PHACTR4: variants seen among roughly 807,000 people sequenced by gnomAD.
The protein encoded by PHACTR4 is phosphatase and actin regulator 4, also known as protein phosphatase 1, regulatory subunit 124.
PHACTR4 carries 51 observed loss-of-function variants against 72.7 expected under a neutral mutation model. That is an observed-to-expected ratio of 0.70 (90% CI 0.56 to 0.89). PHACTR4 has a LOEUF of 0.89. Ranked by LOEUF, PHACTR4 falls within the 40% of genes least tolerant of loss-of-function variation. PHACTR4 has a pLI of 0.00. For synonymous variants in PHACTR4, 255 were observed against 302.5 expected, an observed-to-expected ratio of 0.84 and a Z score of 1.63; for missense variants, 731 against 861.8, an observed-to-expected ratio of 0.85 and a Z score of 1.90.
chr1:28,476,274 A>G lies in PHACTR4; in HGVS notation c.1589A>G (p.Glu530Gly). Residue 530 changes from glutamate to glycine, a missense_variant, in exon 8 of 14, where the codon GAA (glutamate) becomes GGA (glycine). Physicochemically the swap from Glu to Gly is moderately conservative, Grantham distance 98 (BLOSUM62 -2). Coordinates refer to ENST00000373839, the MANE Select transcript of PHACTR4 (RefSeq NM_001048183.3). ...GPIQYRDEED[E>G]DESYQSALAN... ...ATTCAGTACCGAGATGAAGAAGATG[A>G]AGATGAAAGCTATCAGAGTAAGAAA... 1 of 1,600,292 alleles carries G rather than the reference A, an allele frequency of 6.2e-7. No homozygotes were observed. The highest frequency in any genetic ancestry group is 8.5e-7 in the Non-Finnish European group (1 of 1,176,208).
At chr1:28,444,217 T>C (rs1657264226) in intron 2 of PHACTR4, among the ~76,000 whole-genome samples, 1 of 82,150 alleles carries the variant, frequency 1.2e-5, no homozygotes, top group Non-Finnish European at 2.6e-5. Context: ...TATTTGGCTT[T>C]TTTTTTTTTT....
chr1:28,483,347 G>A (rs1172438561), intron 9 of PHACTR4, among the ~76,000 whole-genome samples: 2 of 151,880 alleles, frequency 1.3e-5, no homozygotes, highest in Non-Finnish European at 2.9e-5. Context: ...GGCCCAGGAG[G>A]TCAAGACCCA....
Position 28,496,578 on chromosome 1 carries a change from G to C in PHACTR4, c.*29G>C, listed in dbSNP as rs1280619145. 6.2e-7 allele frequency: 1 copy of C among 1,613,024 alleles called. No individual in the cohort carries two copies. The highest frequency in any genetic ancestry group is 1.7e-5 in the Admixed American group (1 of 59,998). On this transcript the variant is annotated 3_prime_UTR_variant, in exon 14 of 14. Transcript: ENST00000373839. The stretch of plus-strand genomic sequence containing the variant: ...CAAAGGTTGAGAGAGGAATCAACAT[G>C]GCTGCTTTGCTGCTTCCTTCTCCAA...
intron 7 of PHACTR4, 138 bp downstream of exon 7, chr1:28,474,289 G>A (rs1659775976): frequency 2.6e-6 from 2 of 776,932 alleles, no homozygotes; most frequent in Admixed American, 2.6e-5. Context: ...GGAAGCTGAG[G>A]CAAATGGACC....
In PHACTR4 at chr1:28,459,092, A is replaced by C. The variant is rs1456917870; in HGVS notation, c.24A>C (p.Ala8=). MEDPFEE[A]DQPTTEPGMV... Reference sequence around the variant, plus strand: ...CTTCTTTTCATGTAACAGAGGAAGCAGACCAGCCCACTACAGAGCCAGGCA... The same window carrying C: ...CTTCTTTTCATGTAACAGAGGAAGCCGACCAGCCCACTACAGAGCCAGGCA... The change falls in exon 3 of 14, where the codon GCA becomes GCC. Residue 8 remains alanine, a synonymous_variant. Coordinates refer to ENST00000373839, the MANE Select transcript of PHACTR4 (RefSeq NM_001048183.3). 2 of 1,596,226 alleles carry C rather than the reference A, an allele frequency of 1.3e-6. No individual in the cohort carries two copies. The highest frequency in any genetic ancestry group is 2.7e-5 in the African/African-American group (2 of 74,060).
chr1:28,450,700 A>G (rs77594490), intron 2 of PHACTR4, among the ~76,000 whole-genome samples: 15,794 of 151,674 alleles, frequency 0.1, 1,897 homozygotes, highest in African/African-American at 0.3. Context: ...GCTCACTGCA[A>G]CCTCAACCAC....
intron 2 of PHACTR4, among the ~76,000 whole-genome samples, chr1:28,421,271 C>T (rs1250346480): frequency 6.6e-6 from 1 of 152,154 alleles, no homozygotes; most frequent in Non-Finnish European, 1.5e-5. Flanking sequence ...TATACACACA[C>T]ATACACACTC....
intron 2 of PHACTR4, among the ~76,000 whole-genome samples, chr1:28,455,926 A>T (rs1658354693): frequency 6.6e-6 from 1 of 152,242 alleles, no homozygotes; most frequent in Admixed American, 6.5e-5. Context: ...AAAGTTTTGT[A>T]AAAGTGAAAA....
chr1:28,484,649 T>C lies in PHACTR4; in HGVS notation c.1760+4045T>C, dbSNP rs544518312. Among the ~76,000 whole-genome samples, 5 of 146,132 alleles carry C rather than the reference T, an allele frequency of 3.4e-5. No individual in the cohort carries two copies. In the South Asian group the frequency reaches 1.1e-3, roughly 32 times the overall value. On this transcript the variant is annotated intron_variant, in intron 9 of 13. Coordinates refer to ENST00000373839, the MANE Select transcript of PHACTR4 (RefSeq NM_001048183.3). ...ATTTGATGGCCATATAAACTCTCTC[T>C]TTTTTTTTTTCCTACCTTTAAAAAT...
rs1661383467 is a variant in PHACTR4 at position 28,496,693 on chromosome 1, A to G, written c.*144A>G. Reference sequence around the variant, plus strand: ...CTGAGGTGGACAGCACTTTGAATGTAGCATTTCACTGGAACAGAGTCTTAT... The same window carrying G: ...CTGAGGTGGACAGCACTTTGAATGTGGCATTTCACTGGAACAGAGTCTTAT... On this transcript the variant is annotated 3_prime_UTR_variant, in exon 14 of 14. Coordinates refer to ENST00000373839, the MANE Select transcript of PHACTR4 (RefSeq NM_001048183.3). The G allele has an allele frequency of 1.1e-6, 1 of 926,196 alleles. No homozygotes were observed. Among genetic ancestry groups the G allele is most frequent in the South Asian group, 1.4e-5 (1 of 73,458 alleles). The allele number at this position is 926,196 out of a possible 1,614,324, so 57.4% of individuals were successfully genotyped here. A position where few individuals can be genotyped will look rare whatever the true frequency, so the allele number is the denominator to read the frequency against.
At chr1:28,494,818 T>C (rs529680588) in intron 13 of PHACTR4, among the ~76,000 whole-genome samples, 46 of 152,226 alleles carry the variant, frequency 3.0e-4, no homozygotes, top group Non-Finnish European at 6.5e-4. Flanking sequence ...TTGACTGTTA[T>C]GCTAGGATGT....
intron 1 of PHACTR4, among the ~76,000 whole-genome samples, chr1:28,387,200 G>T (rs1332254066): frequency 1.3e-5 from 2 of 148,310 alleles, no homozygotes; most frequent in African/African-American, 5.0e-5. Context: ...GGCAGAGGTT[G>T]CAGTAAGCTG....
At chr1:28,423,350 A>G (rs1237621916) in intron 2 of PHACTR4, among the ~76,000 whole-genome samples, 1 of 152,124 alleles carries the variant, frequency 6.6e-6, no homozygotes, top group Non-Finnish European at 1.5e-5. Context: ...TCGAGGCTGC[A>G]GTGAAGCATG....
chr1:28,423,797 T>A (rs907331284), intron 2 of PHACTR4, among the ~76,000 whole-genome samples: 1 of 152,198 alleles, frequency 6.6e-6, no homozygotes, highest in East Asian at 1.9e-4. Flanking sequence ...AGTTAGTATA[T>A]GTAAAATATT....
intron 1 of PHACTR4, among the ~76,000 whole-genome samples, chr1:28,380,125 C>T (rs1296767242): frequency 2.2e-5 from 3 of 134,666 alleles, no homozygotes; most frequent in African/African-American, 8.6e-5. Flanking sequence ...GGCGCGATCT[C>T]GGCTCACTGC....
rs544531394 is a variant in PHACTR4 at position 28,440,852 on chromosome 1, C to G, written c.17-18233C>G. On this transcript the variant is annotated intron_variant, in intron 2 of 13. Coordinates refer to ENST00000373839, the MANE Select transcript of PHACTR4 (RefSeq NM_001048183.3). ...CAGTTTCTTAATTTAATTTTCAAAG[C>G]CTTTATGTGGGTAGCTGTTTGGAAA... Among the ~76,000 whole-genome samples, 8 of 152,104 alleles carry G rather than the reference C, an allele frequency of 5.3e-5. No individual in the cohort carries two copies. The South Asian group carries it at 1.2e-3, about 24-fold the overall frequency.
At chr1:28,413,040 A>G (rs1654884639) in intron 2 of PHACTR4, among the ~76,000 whole-genome samples, 1 of 152,194 alleles carries the variant, frequency 6.6e-6, no homozygotes, top group African/African-American at 2.4e-5. Context: ...TAGGTGGAAC[A>G]GTTTCATCCC....
chr1:28,396,845 C>CTTTTTTT (rs60578939), intron 1 of PHACTR4, among the ~76,000 whole-genome samples: 28 of 119,636 alleles, frequency 2.3e-4, no homozygotes, highest in Non-Finnish European at 2.8e-4. Context: ...TTCTTTCTTT[C>CTTTTTTT]TTTTTTTTTT....
At chr1:28,471,306 G>A (rs1017970184) in intron 6 of PHACTR4, among the ~76,000 whole-genome samples, 9 of 151,926 alleles carry the variant, frequency 5.9e-5, no homozygotes, top group South Asian at 4.1e-4. Context: ...CCGAGATGGC[G>A]CCATTGCACT....
Sources: gnomAD v4.1 joint callset for allele counts (sites outside exome capture counted in the v4.1 genomes callset) on GRCh38, gnomAD v4.1.1 for gene constraint, MANE v1.5 for transcripts, NCBI Gene and HGNC (gene_info 2026-07-23, HGNC 2026-07-21) for gene names.